CFAP61: variants seen among roughly 807,000 people sequenced by gnomAD.
The protein encoded by CFAP61 is cilia and flagella associated protein 61.
CFAP61 carries 107 observed loss-of-function variants against 135.6 expected under a neutral mutation model. The ratio of observed to expected loss-of-function variants is 0.79; its 90% CI spans 0.67 to 0.93. The LOEUF (loss-of-function observed/expected upper bound fraction) is 0.93. Ranked by LOEUF, CFAP61 falls within the 40% of genes least tolerant of loss-of-function variation. The pLI, the probability that CFAP61 is intolerant of heterozygous loss-of-function variation, is 0.00. For missense variants in CFAP61, 1,507 were observed against 1,556.2 expected (o/e 0.97, Z 0.53); for synonymous variants, 575 against 578.5 (o/e 0.99, Z 0.09).
Position 20,134,377 on chromosome 20 carries a change from T to G in CFAP61, c.860-8480T>G, listed in dbSNP as rs188110080. Among the ~76,000 whole-genome samples the G allele has an allele frequency of 1.0e-3, 157 of 152,172 alleles. 3 individuals are homozygous for G. Among genetic ancestry groups the G allele is most frequent in the African/African-American group, 3.6e-3 (150 of 41,520 alleles). On this transcript the variant is annotated intron_variant, in intron 8 of 26. Transcript: ENST00000245957. Reference sequence around the variant, plus strand: ...AGTTCAGTGTTGCTGGAGCATCAGGTGAGGGAGTGGCAGGAGACAAAGCAG... The same window carrying G: ...AGTTCAGTGTTGCTGGAGCATCAGGGGAGGGAGTGGCAGGAGACAAAGCAG...
intron 25 of CFAP61, among the ~76,000 whole-genome samples, chr20:20,339,060 C>T (rs1368140837): frequency 1.3e-5 from 2 of 152,114 alleles, no homozygotes; most frequent in Non-Finnish European, 2.9e-5. Context: ...TTTCTCCCAG[C>T]TGTGCAAAAA....
At chr20:20,322,555 C>T (rs549305864) in intron 25 of CFAP61, 19 of 361,754 alleles carry the variant, frequency 5.3e-5, no homozygotes, top group Non-Finnish European at 6.5e-5. Flanking sequence ...AATTCTTGTT[C>T]TCCCACATAG....
At chr20:20,103,636 A>G (rs553109058) in intron 8 of CFAP61, among the ~76,000 whole-genome samples, 5 of 152,240 alleles carry the variant, frequency 3.3e-5, no homozygotes, top group Non-Finnish European at 7.3e-5. Flanking sequence ...ATACATATCA[A>G]GATGTTCCAT....
At chr20:20,139,641 G>A (rs2146742534) in intron 8 of CFAP61, among the ~76,000 whole-genome samples, 1 of 152,272 alleles carries the variant, frequency 6.6e-6, no homozygotes, top group Middle Eastern at 3.4e-3. Context: ...ACTGGAGAGA[G>A]AGATCCAGCT....
chr20:20,360,120 C>G, intron 26 of CFAP61, 90 bp from the exon 27 acceptor site: 2 of 954,628 alleles, frequency 2.1e-6, no homozygotes, highest in Non-Finnish European at 3.3e-6. Flanking sequence ...GCAGAGCTGA[C>G]TACTGTTGTT....
rs763048502 is a variant in CFAP61 at position 20,159,363 on chromosome 20, T to C, written c.952-7T>C. The C allele has an allele frequency of 6.2e-7, 1 of 1,613,686 alleles. No homozygotes were observed. Among genetic ancestry groups the C allele is most frequent in the East Asian group, 2.2e-5 (1 of 44,866 alleles). Reference sequence around the variant, plus strand: ...TAATTTTCATGTTTTGCTGTCATCATTTCCAGGGAAATATTGCCAGAGAAG... The same window carrying C: ...TAATTTTCATGTTTTGCTGTCATCACTTCCAGGGAAATATTGCCAGAGAAG... On this transcript the variant is annotated splice_polypyrimidine_tract_variant and splice_region_variant and intron_variant, in intron 9 of 26. Transcript: ENST00000245957.
intron 22 of CFAP61, among the ~76,000 whole-genome samples, chr20:20,277,761 TG>T (rs552097625): frequency 9.8e-4 from 149 of 152,342 alleles, no homozygotes; most frequent in African/African-American, 3.4e-3. Flanking sequence ...CTCATGCGGC[TG>T]AAGTCAGCAG....
intron 8 of CFAP61, among the ~76,000 whole-genome samples, chr20:20,100,182 T>A (rs1387351929): frequency 1.3e-5 from 2 of 152,046 alleles, no homozygotes; most frequent in East Asian, 3.9e-4. Context: ...TGGCCTTTTT[T>A]TTTTTTTGAG....
Position 20,228,393 on chromosome 20 carries a change from TATTG to T in CFAP61, c.2060+26_2060+29del. The T allele has an allele frequency of 6.3e-7, 1 of 1,591,478 alleles. No homozygotes were observed. The highest frequency in any genetic ancestry group is 8.6e-7 in the Non-Finnish European group (1 of 1,161,850). ...GGTATTTTGGTGAGTTGTTTCACTC[TATTG>T]ATTGATTGGTTTTTAAATAATAAAA... On this transcript the variant is annotated intron_variant, in intron 18 of 26. Transcript: ENST00000245957.
intron 2 of CFAP61, among the ~76,000 whole-genome samples, chr20:20,062,072 C>A (rs1276105511): frequency 2.6e-5 from 4 of 152,180 alleles, no homozygotes; most frequent in African/African-American, 9.7e-5. Flanking sequence ...ACTGGACATA[C>A]CACCCAGAGA....
chr20:20,189,674 C>T (rs1315928143), intron 14 of CFAP61, among the ~76,000 whole-genome samples: 1 of 152,220 alleles, frequency 6.6e-6, no homozygotes, highest in Non-Finnish European at 1.5e-5. Flanking sequence ...AGCGATGCCA[C>T]TAGCCGCTAA....
At chr20:20,103,404 G>A (rs923838327) in intron 8 of CFAP61, among the ~76,000 whole-genome samples, 1 of 152,102 alleles carries the variant, frequency 6.6e-6, no homozygotes, top group African/African-American at 2.4e-5. Flanking sequence ...AATGGGAATA[G>A]GTTCTAAGGA....
intron 16 of CFAP61, among the ~76,000 whole-genome samples, chr20:20,198,614 A>G (rs16981676): frequency 0.079 from 12,039 of 152,240 alleles, 1,301 homozygotes; most frequent in East Asian, 0.56. Flanking sequence ...ACTACAGTAA[A>G]GTTGAGCTTT....
intron 26 of CFAP61, among the ~76,000 whole-genome samples, chr20:20,348,689 CAAAAAAAAA>C (rs71198052): frequency 3.7e-5 from 2 of 53,462 alleles, no homozygotes; most frequent in African/African-American, 1.5e-4. Flanking sequence ...GACTCCGTAT[CAAAAAAAAA>C]AAAAAAAAAA....
chr20:20,142,710 C>G (rs1283081156), intron 8 of CFAP61, 147 bp from the exon 9 acceptor site: 1 of 592,268 alleles, frequency 1.7e-6, no homozygotes. Context: ...GAGACCTGCT[C>G]TTCCCACCTC....
intron 26 of CFAP61, among the ~76,000 whole-genome samples, chr20:20,345,400 A>T (rs2122397397): frequency 6.6e-6 from 1 of 152,328 alleles, no homozygotes; most frequent in South Asian, 2.1e-4. Flanking sequence ...ATGTACTCAT[A>T]ATAATTAAAA....
chr20:20,266,704 C>T (rs1300879827), intron 21 of CFAP61, among the ~76,000 whole-genome samples: 2 of 152,162 alleles, frequency 1.3e-5, no homozygotes, highest in Non-Finnish European at 2.9e-5. Context: ...TTAAGCTCCT[C>T]CTCACGAATA....
chr20:20,110,359 T>C (rs996710541), intron 8 of CFAP61, among the ~76,000 whole-genome samples: 3 of 151,976 alleles, frequency 2.0e-5, no homozygotes, highest in African/African-American at 4.8e-5. Context: ...ATTTGAAACT[T>C]CTCAAAAACA....
intron 19 of CFAP61, 73 bp downstream of exon 19, chr20:20,246,288 A>G (rs1169433347): frequency 1.1e-5 from 10 of 950,158 alleles, no homozygotes; most frequent in Non-Finnish European, 1.5e-5. Flanking sequence ...TTAATGCTAA[A>G]TAGTAGATTT....
Sources: gnomAD v4.1 joint callset for allele counts (sites outside exome capture counted in the v4.1 genomes callset) on GRCh38, gnomAD v4.1.1 for gene constraint, MANE v1.5 for transcripts, NCBI Gene and HGNC (gene_info 2026-07-23, HGNC 2026-07-21) for gene names.